The following HIPK3 variants were observed in gnomAD, a reference collection of about 807,000 sequenced individuals.
HIPK3 encodes the protein homeodomain interacting protein kinase 3.
HIPK3 carries 47 observed loss-of-function variants against 124.2 expected under a neutral mutation model. The ratio of observed to expected loss-of-function variants is 0.38; its 90% CI spans 0.30 to 0.48. HIPK3 has a LOEUF of 0.48. HIPK3 is among the 20% of genes least tolerant of loss of function. The pLI is 0.98. For missense variants in HIPK3, 1,286 were observed against 1,454.3 expected, an observed-to-expected ratio of 0.88 and a Z score of 1.88; for synonymous variants, 482 against 515.2, an observed-to-expected ratio of 0.94 and a Z score of 0.87.
chr11:33,258,446 G>C (rs2133855076), intron 1 of HIPK3: 1 of 985,454 alleles, frequency 1.0e-6, no homozygotes. Flanking sequence ...GGTTTGCAGG[G>C]TGTCAACTCT....
intron 1 of HIPK3, chr11:33,258,570 G>A: frequency 1.0e-6 from 1 of 985,460 alleles, no homozygotes; most frequent in Non-Finnish European, 1.2e-6. Flanking sequence ...GGCTGTTGCC[G>A]GCTTCTCTCG....
intron 1 of HIPK3, among the ~76,000 whole-genome samples, chr11:33,264,908 T>C (rs1422352803): frequency 6.6e-6 from 1 of 152,224 alleles, no homozygotes; most frequent in Non-Finnish European, 1.5e-5. Context: ...TAAAAGCATA[T>C]TTCAATTACA....
intron 3 of HIPK3, among the ~76,000 whole-genome samples, chr11:33,329,901 A>G (rs1210849445): frequency 6.6e-6 from 1 of 152,242 alleles, no homozygotes; most frequent in Non-Finnish European, 1.5e-5. Context: ...AGCCTATGGC[A>G]TGCATACCGC....
At chr11:33,299,821 C>T (rs928309549) in intron 2 of HIPK3, among the ~76,000 whole-genome samples, 5 of 151,822 alleles carry the variant, frequency 3.3e-5, no homozygotes, top group Admixed American at 1.3e-4. Context: ...GTCAGGAGTT[C>T]CAGACCAGCC....
Position 33,257,402 on chromosome 11 carries a change from G to T in HIPK3, c.-490G>T, listed in dbSNP as rs920970779. On this transcript the variant is annotated 5_prime_UTR_variant, in exon 1 of 17. Coordinates refer to ENST00000303296, the MANE Select transcript of HIPK3 (RefSeq NM_005734.5). ...GGCTGGTGGCAGCTGCCTCAGTGAC[G>T]ACTGCCGGCATCGCGGCGACCTGAG... 2 of 985,166 alleles carry T rather than the reference G, an allele frequency of 2.0e-6. No individual in the cohort carries two copies. The highest frequency in any genetic ancestry group is 5.2e-4 in the Middle Eastern group (1 of 1,910). 61.0% of individuals were successfully genotyped at this position (985,166 alleles called of 1,614,324 possible). A position where few individuals can be genotyped will look rare whatever the true frequency, so the allele number is the denominator to read the frequency against.
At chr11:33,259,837 G>A (rs1484295624) in intron 1 of HIPK3, among the ~76,000 whole-genome samples, 1 of 132,304 alleles carries the variant, frequency 7.6e-6, no homozygotes, top group Non-Finnish European at 1.5e-5. Flanking sequence ...TAAGAAAAAA[G>A]TATTTGTGGA....
chr11:33,321,689 G>A (rs1852667110), intron 2 of HIPK3, among the ~76,000 whole-genome samples: 1 of 152,186 alleles, frequency 6.6e-6, no homozygotes, highest in East Asian at 1.9e-4. Context: ...GAGGAAGTGT[G>A]AAGTAGGACA....
At chr11:33,284,700 G>A (rs1377384358) in intron 1 of HIPK3, among the ~76,000 whole-genome samples, 3 of 152,120 alleles carry the variant, frequency 2.0e-5, no homozygotes, top group Non-Finnish European at 4.4e-5. Context: ...ATAATGCAAA[G>A]TTCCTGTATC....
chr11:33,347,889 A>T lies in HIPK3; in HGVS notation c.2182A>T (p.Met728Leu). ...ATGCAGCAATCATTATAACTCAGTG[A>T]TGCCGCAGCCTCTTCTGACCAATCA... The part of the protein sequence containing the change: ...ISCSNHYNSV[M>L]PQPLLTNQIT... Residue 728 changes from methionine to leucine, a missense_variant, in exon 11 of 17, where the codon ATG (methionine) becomes TTG (leucine). By Grantham distance (15) the Met-to-Leu change is conservative. This residue lies in a region of HIPK3 where 810 missense variants were observed against 864.9 expected (regional missense o/e 0.94). Transcript: ENST00000303296. The T allele has an allele frequency of 2.5e-6, 4 of 1,614,216 alleles. No individual in the cohort carries two copies. The highest frequency in any genetic ancestry group is 3.4e-6 in the Non-Finnish European group (4 of 1,180,024).
chr11:33,348,001 A>G lies in HIPK3; in HGVS notation c.2294A>G (p.Gln765Arg). Residue 765 changes from glutamine to arginine, a missense_variant, in exon 11 of 17, where the codon CAG (glutamine) becomes CGG (arginine). This residue lies in a region of HIPK3 where 810 missense variants were observed against 864.9 expected (regional missense o/e 0.94). Transcript: ENST00000303296. ...CCTGCCACTACCAAGAAAAATAAAC[A>G]GTGCCAGAACAGGTTGGTATTGGTG... is the stretch of plus-strand genomic sequence containing the variant. ...PQPATTKKNK[Q>R]CQNRGILVKL... 5.0e-6 allele frequency: 8 copies of G among 1,614,190 alleles called. No individual in the cohort carries two copies. In the South Asian group the frequency reaches 7.7e-5, roughly 16 times the overall value.
Position 33,353,522 on chromosome 11 carries a change from GATT to G in HIPK3, c.3603_3605del (p.Phe1202del). 1 of 1,613,804 alleles carries G rather than the reference GATT, an allele frequency of 6.2e-7. No homozygotes were observed. The highest frequency in any genetic ancestry group is 8.5e-7 in the Non-Finnish European group (1 of 1,179,780). Reference sequence around the variant, plus strand: ...ATTGCAGCATCACCTGCATATACTGGATTTCCACTGAGTCCAACAAAACTCAGC... The same window carrying G: ...ATTGCAGCATCACCTGCATATACTGGTCCACTGAGTCCAACAAAACTCAGC... On this transcript the variant is annotated inframe_deletion, in exon 17 of 17. Transcript: ENST00000303296.
chr11:33,286,045 G>A (rs142869722), intron 1 of HIPK3, among the ~76,000 whole-genome samples: 372 of 152,250 alleles, frequency 2.4e-3, no homozygotes, highest in African/African-American at 8.4e-3. Context: ...AAAGTGCTAG[G>A]ATTACAGGGA....
At chr11:33,345,884 C>T (rs918301022) in intron 8 of HIPK3, among the ~76,000 whole-genome samples, 4 of 152,042 alleles carry the variant, frequency 2.6e-5, no homozygotes, top group Non-Finnish European at 4.4e-5. Flanking sequence ...ACACTTACAT[C>T]TGTGAAATAG....
intron 5 of HIPK3, among the ~76,000 whole-genome samples, chr11:33,339,062 A>G (rs1853249416): frequency 6.6e-6 from 1 of 152,226 alleles, no homozygotes; most frequent in African/African-American, 2.4e-5. Context: ...TTAGTAAAAA[A>G]GTTTTTGCTT....
chr11:33,338,442 C>T (rs1853225170), intron 4 of HIPK3, among the ~76,000 whole-genome samples: 1 of 152,156 alleles, frequency 6.6e-6, no homozygotes, highest in South Asian at 2.1e-4. Context: ...CCATGTTGAC[C>T]AGGATGGTCT....
Position 33,286,828 on chromosome 11 carries a change from C to G in HIPK3, c.414C>G (p.Ser138Arg), listed in dbSNP as rs1245494388. Residue 138 changes from serine to arginine, a missense_variant, in exon 2 of 17, where the codon AGC becomes AGG. Around this residue, in one of 3 missense-constraint regions of HIPK3, gnomAD observed 225 missense variants for 240.3 expected, o/e 0.94. Transcript: ENST00000303296. ...KRKSEELDNH[S>R]SAMQIVDELS... ...AGAGTGAGGAGTTGGATAATCATAG[C>G]AGCGCAATGCAGATTGTCGATGAAT... 2.5e-6 allele frequency: 4 copies of G among 1,614,038 alleles called. No individual in the cohort carries two copies. In the African/African-American group the frequency reaches 4.0e-5, roughly 16 times the overall value.
At chr11:33,292,251 C>T (rs933579122) in intron 2 of HIPK3, among the ~76,000 whole-genome samples, 7 of 152,218 alleles carry the variant, frequency 4.6e-5, no homozygotes, top group African/African-American at 1.7e-4. Flanking sequence ...TTCAAATTCA[C>T]ACTGTAAGTT....
Position 33,260,990 on chromosome 11 carries a change from T to TCC in HIPK3, c.-3+3107_-3+3108dup, listed in dbSNP as rs34683868. On this transcript the variant is annotated intron_variant, in intron 1 of 16. Transcript: ENST00000303296. ...GTGTTTATTTTTTAAAAGGTATTATTCCCCCCCAACACTTTTCACTGGGAT... is the reference window on the plus strand; with the variant it reads ...GTGTTTATTTTTTAAAAGGTATTATTCCCCCCCCCAACACTTTTCACTGGGAT... Among the ~76,000 whole-genome samples, 54 of 150,420 alleles carry TCC rather than the reference T, an allele frequency of 3.6e-4. 2 individuals are homozygous for TCC. Among genetic ancestry groups the TCC allele is most frequent in the Admixed American group, 1.6e-3 (24 of 15,000 alleles).
At chr11:33,322,319 G>A (rs994986995) in intron 2 of HIPK3, among the ~76,000 whole-genome samples, 1 of 152,044 alleles carries the variant, frequency 6.6e-6, no homozygotes, top group Non-Finnish European at 1.5e-5. Flanking sequence ...CAACTTTTTA[G>A]TACTACTGTA....
Sources: allele counts gnomAD v4.1 joint callset (sites outside exome capture counted in the v4.1 genomes callset), GRCh38; gene constraint gnomAD v4.1.1; regional missense constraint gnomAD v4.1.1; transcripts MANE v1.5; gene names NCBI Gene and HGNC (gene_info 2026-07-23, HGNC 2026-07-21).